Variants in UNC79 observed in about 807,000 individuals in gnomAD.
UNC79 encodes the protein unc-79 subunit of NALCN channel complex.
A neutral mutation model predicts 283.1 loss-of-function variants in UNC79; 37 were observed. The observed-to-expected ratio is 0.13, with a 90% CI of 0.10 to 0.17. The LOEUF is 0.17. Among genes scored for constraint, UNC79 ranks in the 10% least tolerant of loss-of-function variants. The pLI, the probability that UNC79 is intolerant of heterozygous loss-of-function variation, is 1.00. For missense variants in UNC79, 2,272 were observed against 3,211.1 expected (o/e 0.71, Z 7.07); for synonymous variants, 1,107 against 1,200.2 (o/e 0.92, Z 1.61).
chr14:93,692,793 A>T (rs1381177281), intron 46 of UNC79, among the ~76,000 whole-genome samples: 1 of 152,186 alleles, frequency 6.6e-6, no homozygotes, highest in Non-Finnish European at 1.5e-5. Context: ...CCTGGAGTCA[A>T]GGTTGGAGGA....
intron 1 of UNC79, among the ~76,000 whole-genome samples, chr14:93,436,675 A>G (rs1057289576): frequency 6.6e-6 from 1 of 152,194 alleles, no homozygotes; most frequent in Non-Finnish European, 1.5e-5. Context: ...TTGAAAATAT[A>G]TGGATAGCTC....
rs779069735 is a variant in UNC79, at chr14:93,617,623, A to G, written c.4224+319A>G. Among the ~76,000 whole-genome samples the G allele has an allele frequency of 1.3e-5, 2 of 152,216 alleles. No homozygotes were observed. The highest frequency in any genetic ancestry group is 2.4e-5 in the African/African-American group (1 of 41,458). Reference sequence around the variant, plus strand: ...ATTTCAGAAAACAAAAGATATCTGAAATTGTATTCATCCACTAAAGGTTTA... The same window carrying G: ...ATTTCAGAAAACAAAAGATATCTGAGATTGTATTCATCCACTAAAGGTTTA... On this transcript the variant is annotated intron_variant, in intron 28 of 48. Coordinates refer to ENST00000555664, the Ensembl canonical transcript of UNC79. The surrounding 1 kb of genome is among the most constrained non-coding windows in gnomAD (Gnocchi z 4.5).
intron 1 of UNC79, among the ~76,000 whole-genome samples, chr14:93,384,811 T>G (rs2054735993): frequency 4.6e-5 from 7 of 152,226 alleles, no homozygotes; most frequent in Admixed American, 4.6e-4. Flanking sequence ...TTTCATAGTT[T>G]GAGGTCTTAG....
intron 48 of UNC79, among the ~76,000 whole-genome samples, chr14:93,704,954 G>T (rs1249984142): frequency 6.6e-6 from 1 of 152,166 alleles, no homozygotes; most frequent in Non-Finnish European, 1.5e-5. Flanking sequence ...ACAGGCCGAG[G>T]CCGGGTGCAA....
At chr14:93,585,881 CTCT>C (rs1415778008) in intron 20 of UNC79, among the ~76,000 whole-genome samples, 1 of 133,860 alleles carries the variant, frequency 7.5e-6, no homozygotes, top group Non-Finnish European at 1.7e-5. Flanking sequence ...CTCTCTCTCT[CTCT>C]TTTTTTTTTT....
intron 5 of UNC79, among the ~76,000 whole-genome samples, chr14:93,495,368 C>T (rs1263345322): frequency 1.3e-5 from 2 of 152,120 alleles, no homozygotes; most frequent in African/African-American, 2.4e-5. Flanking sequence ...CATCAGATCT[C>T]GGGAGAACTC....
intron 14 of UNC79, among the ~76,000 whole-genome samples, chr14:93,562,283 A>T (rs764510976): frequency 6.6e-5 from 10 of 152,296 alleles, no homozygotes; most frequent in South Asian, 2.1e-4. Flanking sequence ...TTGTCCAGGT[A>T]GGGTGTCTTC....
At chr14:93,507,351 T>C (rs1404783878) in intron 7 of UNC79, among the ~76,000 whole-genome samples, 1 of 152,220 alleles carries the variant, frequency 6.6e-6, no homozygotes, top group Non-Finnish European at 1.5e-5. Flanking sequence ...CATCCAACAA[T>C]TTATGAGAGT....
In UNC79 at chr14:93,688,400, G is replaced by C. The variant is rs762954784; in HGVS notation, c.6910-265G>C. 1.3e-5 allele frequency among the ~76,000 whole-genome samples: 2 copies of C among 152,030 alleles called. No homozygotes were observed. Among genetic ancestry groups the C allele is most frequent in the Admixed American group, 6.6e-5 (1 of 15,258 alleles). On this transcript the variant is annotated intron_variant, in intron 43 of 48. Coordinates refer to ENST00000555664, the Ensembl canonical transcript of UNC79. This position sits in a 1 kb window ranked among gnomAD's most constrained non-coding sequence, Gnocchi z 4.0. ...TTCCAGACAAAGGGAATAGCAGCAGGGGGGAACACAGAGAGCCAACACAGC... is the reference window on the plus strand; with the variant it reads ...TTCCAGACAAAGGGAATAGCAGCAGCGGGGAACACAGAGAGCCAACACAGC...
At chr14:93,636,147 A>C (rs1425164667) in intron 31 of UNC79, among the ~76,000 whole-genome samples, 1 of 152,230 alleles carries the variant, frequency 6.6e-6, no homozygotes, top group East Asian at 1.9e-4. Context: ...TTTTCAGTCC[A>C]AATTTTAATC....
intron 1 of UNC79, among the ~76,000 whole-genome samples, chr14:93,341,860 T>A (rs2053720029): frequency 1.3e-5 from 2 of 152,214 alleles, no homozygotes; most frequent in South Asian, 4.1e-4. Context: ...TGACTCCATG[T>A]CTCACATCCA....
At chr14:93,392,326 A>G (rs141723333) in intron 1 of UNC79, among the ~76,000 whole-genome samples, 2 of 152,372 alleles carry the variant, frequency 1.3e-5, no homozygotes, top group Admixed American at 1.3e-4. Context: ...AGACCAAAAG[A>G]ACATATACCG....
chr14:93,602,261 C>T (rs556237728), intron 25 of UNC79, among the ~76,000 whole-genome samples: 2 of 152,250 alleles, frequency 1.3e-5, no homozygotes, highest in African/African-American at 4.8e-5. Flanking sequence ...TTTGATCCAT[C>T]TTGAGTTGAT....
chr14:93,441,344 A>G (rs1477491474), intron 1 of UNC79, among the ~76,000 whole-genome samples: 1 of 151,956 alleles, frequency 6.6e-6, no homozygotes, highest in Non-Finnish European at 1.5e-5. Context: ...TGTCTCTTGT[A>G]TTCTGCATAG....
intron 1 of UNC79, among the ~76,000 whole-genome samples, chr14:93,412,822 C>T (rs1409194026): frequency 6.6e-6 from 1 of 151,920 alleles, no homozygotes; most frequent in Non-Finnish European, 1.5e-5. Flanking sequence ...AGGAGAAATA[C>T]CTTCCCAGAC....
At chr14:93,620,182 T>C (rs2067023025) in intron 29 of UNC79, among the ~76,000 whole-genome samples, 1 of 152,230 alleles carries the variant, frequency 6.6e-6, no homozygotes, top group Non-Finnish European at 1.5e-5. Context: ...CCGTAATAGT[T>C]ACACGTGGTA....
At chr14:93,339,594 C>T (rs959673646) in intron 1 of UNC79, among the ~76,000 whole-genome samples, 6 of 152,324 alleles carry the variant, frequency 3.9e-5, no homozygotes, top group African/African-American at 9.6e-5. Flanking sequence ...CCACTGCGCC[C>T]GGCCTAGATG....
chr14:93,644,291 G>A lies in UNC79; in HGVS notation c.6044+594G>A, dbSNP rs527969595. ...CTAAGAAAATTCTATTTAGTAGATA[G>A]GACATTAGAAGATAAAGATATATTT... On this transcript the variant is annotated intron_variant, in intron 34 of 48. Transcript: ENST00000555664. 2.6e-5 allele frequency among the ~76,000 whole-genome samples: 4 copies of A among 152,314 alleles called. No homozygotes were observed. In the East Asian group the frequency reaches 7.7e-4, roughly 29 times the overall value.
chr14:93,335,563 A>G (rs2053560759), intron 1 of UNC79, among the ~76,000 whole-genome samples: 1 of 152,228 alleles, frequency 6.6e-6, no homozygotes, highest in Non-Finnish European at 1.5e-5. Context: ...GGATGGCCAT[A>G]TGACACAAAT....
Sources: gnomAD v4.1 joint callset for allele counts (sites outside exome capture counted in the v4.1 genomes callset) on GRCh38, gnomAD v4.1.1 for gene constraint, Gnocchi (gnomAD v3.1) non-coding constraint, MANE v1.5 for transcripts, NCBI Gene and HGNC (gene_info 2026-07-23, HGNC 2026-07-21) for gene names.